Variants in IL21R observed in about 807,000 individuals in gnomAD.
IL21R encodes interleukin-21 receptor.
A neutral mutation model predicts 41.3 loss-of-function variants in IL21R; 14 were observed. That is an observed-to-expected ratio of 0.34 (90% confidence interval 0.22 to 0.53). IL21R has a LOEUF of 0.53. Ranked by LOEUF, IL21R falls within the 20% of genes least tolerant of loss-of-function variation. The probability of loss-of-function intolerance (pLI) is 0.94; values close to 1 mark genes in which losing one functional copy is unlikely to be tolerated. For missense variants in IL21R, 588 were observed against 681.6 expected (o/e 0.86, Z 1.53); for synonymous variants, 286 against 287.6 (o/e 0.99, Z 0.05).
chr16:27,442,290 G>A (rs575597906), intron 4 of IL21R, among the ~76,000 whole-genome samples: 23 of 152,298 alleles, frequency 1.5e-4, no homozygotes, highest in African/African-American at 4.8e-4. Flanking sequence ...GTGCGTGTGT[G>A]TTTCCCTAGA....
intron 8 of IL21R, among the ~76,000 whole-genome samples, chr16:27,446,846 G>A (rs1199482508): frequency 1.3e-5 from 2 of 152,226 alleles, no homozygotes; most frequent in Non-Finnish European, 2.9e-5. Context: ...CAGGTTGTCT[G>A]TGCCCATTTA....
intron 1 of IL21R, among the ~76,000 whole-genome samples, chr16:27,409,345 C>G (rs909248330): frequency 6.7e-6 from 1 of 150,146 alleles, no homozygotes; most frequent in African/African-American, 2.4e-5. Context: ...TTAATGGAAA[C>G]TTTTGATCAA....
intron 1 of IL21R, among the ~76,000 whole-genome samples, chr16:27,404,319 C>T (rs1325533790): frequency 6.6e-6 from 1 of 152,170 alleles, no homozygotes; most frequent in Non-Finnish European, 1.5e-5. Context: ...AAGGCAAAGA[C>T]AGCTCTGAGC....
chr16:27,434,265 C>G, intron 2 of IL21R, 82 bp from the exon 3 acceptor site: 1 of 899,484 alleles, frequency 1.1e-6, no homozygotes, highest in Non-Finnish European at 1.8e-6. Flanking sequence ...CATTCTTCCT[C>G]CAGCCCTCGA....
At chr16:27,414,189 T>TGTGTGTGTGTGTGTGTGA (rs1318192118) in intron 1 of IL21R, among the ~76,000 whole-genome samples, 13 of 151,710 alleles carry the variant, frequency 8.6e-5, no homozygotes, top group African/African-American at 2.9e-4. Flanking sequence ...TGTGTGTGTG[T>TGTGTGTGTGTGTGTGTGA]GATCGTAATT....
rs1196356589 is a variant in IL21R, at chr16:27,449,043, G to C, written c.1377G>C (p.Trp459Cys). 1 of 1,612,420 alleles carries C rather than the reference G, an allele frequency of 6.2e-7. No homozygotes were observed. Among genetic ancestry groups the C allele is most frequent in the South Asian group, 1.1e-5 (1 of 91,044 alleles). ...CACCCCTTGCAGATGGGGAGGACTGGGCTGGGGGACTGCCCTGGGGTGGCC... is the reference window on the plus strand; with the variant it reads ...CACCCCTTGCAGATGGGGAGGACTGCGCTGGGGGACTGCCCTGGGGTGGCC... The part of the protein sequence containing the change: ...LKPPLADGED[W>C]AGGLPWGGRS... The change falls in exon 9 of 9, where the codon TGG becomes TGC. Residue 459 changes from tryptophan to cysteine, a missense_variant. Transcript: ENST00000337929.
At chr16:27,443,660 T>C (rs2141307596) in intron 5 of IL21R, among the ~76,000 whole-genome samples, 1 of 152,194 alleles carries the variant, frequency 6.6e-6, no homozygotes, top group East Asian at 1.9e-4. Context: ...GACATGCACC[T>C]GTAATCCAGC....
chr16:27,445,774 C>T (rs952914706), intron 7 of IL21R, among the ~76,000 whole-genome samples: 1 of 152,168 alleles, frequency 6.6e-6, no homozygotes, highest in African/African-American at 2.4e-5. Context: ...TTGCCCAGCA[C>T]GCAACAGGCA....
rs564456793 is a variant in IL21R, at chr16:27,449,720, C to T, written c.*437C>T. On this transcript the variant is annotated 3_prime_UTR_variant, in exon 9 of 9. Coordinates refer to ENST00000337929, the MANE Select transcript of IL21R (RefSeq NM_181078.3). ...CAGCATCTCCGGGGCTTTGTGGGAT[C>T]AGGGCATTGCCTGTGACTGAGGCGG... The T allele has an allele frequency of 4.0e-6, 1 of 246,986 alleles. No homozygotes were observed. Among genetic ancestry groups the T allele is most frequent in the East Asian group, 5.8e-5 (1 of 17,122 alleles). 15.3% of individuals were successfully genotyped at this position (246,986 alleles called of 1,614,324 possible).
At chr16:27,444,367 G>T (rs1368821350) in intron 5 of IL21R, among the ~76,000 whole-genome samples, 175 bp from the exon 6 acceptor site, 1 of 152,088 alleles carries the variant, frequency 6.6e-6, no homozygotes, top group Non-Finnish European at 1.5e-5. Flanking sequence ...CAGTGCTGGT[G>T]AGTCTGTGCT....
rs367586016 is a variant in IL21R, at chr16:27,444,546, C to T, written c.512C>T (p.Pro171Leu). ...RNRGDPWAVS[P>L]RRKLISVDSR... ...ATCCTTTCCTTGTACTGGCAGAGTC[C>T]GAGGAGAAAGCTGATCTCAGTGGAC... The change falls in exon 6 of 9, where the codon CCG (proline) becomes CTG (leucine). Residue 171 changes from proline (P) to leucine (L), a missense_variant. Physicochemically the swap from Pro to Leu is moderately conservative, Grantham distance 98. Coordinates refer to ENST00000337929, the MANE Select transcript of IL21R (RefSeq NM_181078.3). 40 of 1,503,676 alleles carry T rather than the reference C, an allele frequency of 2.7e-5. No homozygotes were observed. The highest frequency in any genetic ancestry group is 4.3e-5 in the African/African-American group (3 of 70,298). The allele number at this position is 1,503,676 out of a possible 1,614,324, so 93.1% of individuals were successfully genotyped here.
At chr16:27,410,134 G>A (rs201781524) in intron 1 of IL21R, among the ~76,000 whole-genome samples, 4 of 152,160 alleles carry the variant, frequency 2.6e-5, no homozygotes, top group Non-Finnish European at 5.9e-5. Flanking sequence ...TCAGGAGTTC[G>A]AGACCAGCCT....
intron 2 of IL21R, among the ~76,000 whole-genome samples, chr16:27,432,703 G>T (rs935739735): frequency 1.3e-5 from 2 of 152,152 alleles, no homozygotes; most frequent in African/African-American, 4.8e-5. Context: ...CCAAGTGCTG[G>T]AACTAGCTCC....
At chr16:27,409,148 T>A (rs1427405101) in intron 1 of IL21R, among the ~76,000 whole-genome samples, 1 of 145,116 alleles carries the variant, frequency 6.9e-6, no homozygotes, top group African/African-American at 2.5e-5. Flanking sequence ...TGGAATTGTG[T>A]TTATTTCTCT....
In IL21R at chr16:27,444,534, A is replaced by C. The variant is rs762438983; in HGVS notation, c.508-8A>C. ...CTGACCTGGTGCATCCTTTCCTTGT[A>C]CTGGCAGAGTCCGAGGAGAAAGCTG... On this transcript the variant is annotated splice_polypyrimidine_tract_variant and splice_region_variant and intron_variant, in intron 5 of 8. Transcript: ENST00000337929. 1.4e-6 allele frequency: 2 copies of C among 1,476,718 alleles called. No homozygotes were observed. Among genetic ancestry groups the C allele is most frequent in the Non-Finnish European group, 9.0e-7 (1 of 1,109,586 alleles). The allele number at this position is 1,476,718 out of a possible 1,614,324, so 91.5% of individuals were successfully genotyped here.
chr16:27,421,156 C>T (rs1442785008), intron 1 of IL21R, among the ~76,000 whole-genome samples: 2 of 151,870 alleles, frequency 1.3e-5, no homozygotes, highest in Non-Finnish European at 2.9e-5. Flanking sequence ...CAGTTCAATC[C>T]CATTGATCTA....
chr16:27,422,338 A>G (rs2087011792), intron 1 of IL21R, among the ~76,000 whole-genome samples: 1 of 152,042 alleles, frequency 6.6e-6, no homozygotes, highest in Non-Finnish European at 1.5e-5. Flanking sequence ...GTTAGTTTGG[A>G]AAAAAATTTT....
At chr16:27,439,200 G>A (rs928795289) in intron 4 of IL21R, among the ~76,000 whole-genome samples, 8 of 151,844 alleles carry the variant, frequency 5.3e-5, no homozygotes, top group South Asian at 2.1e-4. Context: ...GCACACTCAC[G>A]CAAATTCCCA....
intron 5 of IL21R, among the ~76,000 whole-genome samples, chr16:27,443,556 G>A (rs1283868764): frequency 1.3e-5 from 2 of 152,188 alleles, no homozygotes; most frequent in Admixed American, 6.5e-5. Context: ...GCCAAGGCAG[G>A]TGGATCTCTT....
Sources: allele counts gnomAD v4.1 joint callset (sites outside exome capture counted in the v4.1 genomes callset), GRCh38; gene constraint gnomAD v4.1.1; transcripts MANE v1.5; gene names NCBI Gene and HGNC (gene_info 2026-07-23, HGNC 2026-07-21).